Variants in SEC23A observed in about 807,000 individuals in gnomAD.
The protein encoded by SEC23A is protein transport protein Sec23A.
SEC23A carries 56 observed loss-of-function variants against 103.7 expected under a neutral mutation model. That is an observed-to-expected ratio of 0.54 (90% CI 0.44 to 0.67). The LOEUF (loss-of-function observed/expected upper bound fraction) is 0.67, where lower values mean the gene tolerates loss of function less well. SEC23A is among the 30% of genes least tolerant of loss of function. The pLI is 0.00. For missense variants in SEC23A, 784 were observed against 936.4 expected (o/e 0.84, Z 2.12); for synonymous variants, 281 against 293.0 (o/e 0.96, Z 0.42).
intron 1 of SEC23A, among the ~76,000 whole-genome samples, chr14:39,102,222 A>C (rs958289612): frequency 1.3e-5 from 2 of 151,546 alleles, no homozygotes; most frequent in African/African-American, 4.9e-5. Flanking sequence ...ACAAAGCAAG[A>C]CTCCGTCTCA....
chr14:39,086,860 A>G (rs1887461309), intron 6 of SEC23A, 69 bp downstream of exon 6: 3 of 880,328 alleles, frequency 3.4e-6, no homozygotes, highest in South Asian at 2.6e-5. Flanking sequence ...CTGAATGCCT[A>G]TGTTCAAGGG....
rs914569897 is a variant in SEC23A, at chr14:39,063,264, A to C, written c.1398+60T>G. 8 of 996,892 alleles carry C rather than the reference A, an allele frequency of 8.0e-6. No individual in the cohort carries two copies. The African/African-American group carries it at 9.5e-5, about 12-fold the overall frequency. 61.8% of individuals were successfully genotyped at this position (996,892 alleles called of 1,614,324 possible). On this transcript the variant is annotated intron_variant, in intron 12 of 19. Coordinates refer to ENST00000307712, the MANE Select transcript of SEC23A (RefSeq NM_006364.4). ...AAAATATGAACTATTCATGGCCTAA[A>C]GTAAGTACTTATTCAAATGTACGTT...
At chr14:39,071,076 C>T (rs1404506383) in intron 9 of SEC23A, among the ~76,000 whole-genome samples, 1 of 151,842 alleles carries the variant, frequency 6.6e-6, no homozygotes, top group African/African-American at 2.4e-5. Context: ...AGATCAAGAA[C>T]AACACAAGGA....
At chr14:39,041,087 A>G in intron 17 of SEC23A, 200 bp from the exon 18 acceptor site, 1 of 539,924 alleles carries the variant, frequency 1.9e-6, no homozygotes, top group Non-Finnish European at 2.9e-6. Context: ...CTTCTCCTTT[A>G]AAAGTAAAAT....
chr14:39,040,515 G>T (rs1214514772), intron 18 of SEC23A: 2 of 593,450 alleles, frequency 3.4e-6, no homozygotes, highest in East Asian at 5.9e-5. Flanking sequence ...AGAGACAGAA[G>T]ATGATGGAAA....
At chr14:39,076,920 C>G (rs1206246904) in intron 7 of SEC23A, among the ~76,000 whole-genome samples, 1 of 145,992 alleles carries the variant, frequency 6.8e-6, no homozygotes, top group Non-Finnish European at 1.5e-5. Flanking sequence ...AGGCGAGACT[C>G]CGTCTCAAAA....
chr14:39,060,628 C>T (rs1295652550), intron 13 of SEC23A, among the ~76,000 whole-genome samples: 1 of 152,172 alleles, frequency 6.6e-6, no homozygotes, highest in African/African-American at 2.4e-5. Context: ...TAAACTCATT[C>T]CACAATTATT....
intron 9 of SEC23A, among the ~76,000 whole-genome samples, chr14:39,071,320 C>T (rs781010301): frequency 9.9e-5 from 15 of 152,214 alleles, no homozygotes; most frequent in African/African-American, 3.1e-4. Context: ...AATTGTTGGA[C>T]GGGCACAGTG....
chr14:39,050,416 A>C (rs945154478), intron 14 of SEC23A, among the ~76,000 whole-genome samples: 1 of 152,216 alleles, frequency 6.6e-6, no homozygotes, highest in Admixed American at 6.5e-5. Context: ...CGGTATCTGT[A>C]AAAACAGTAA....
At chr14:39,102,209 G>A (rs138108540) in intron 1 of SEC23A, among the ~76,000 whole-genome samples, 3,319 of 152,108 alleles carry the variant, frequency 0.022, 138 homozygotes, top group African/African-American at 0.075. Flanking sequence ...TCCAGCCTGG[G>A]CGACAAAGCA....
chr14:39,038,305 C>G (rs758953265), intron 19 of SEC23A, among the ~76,000 whole-genome samples: 1 of 152,134 alleles, frequency 6.6e-6, no homozygotes, highest in African/African-American at 2.4e-5. Context: ...TGCCATCTTC[C>G]TCTTCTAACC....
chr14:39,094,987 A>G, intron 2 of SEC23A: 1 of 700,360 alleles, frequency 1.4e-6, no homozygotes, highest in Non-Finnish European at 2.6e-6. Flanking sequence ...TTCATTCATA[A>G]AACTCTAGCT....
Position 39,039,059 on chromosome 14 carries a change from G to T in SEC23A, c.2180C>A (p.Thr727Asn), listed in dbSNP as rs1885550973. ...CCCCCAGGCATACATATTATTATGAGTCTGTGAAGGGTTGACTTTTGAAAG... is the reference window on the plus strand; with the variant it reads ...CCCCCAGGCATACATATTATTATGATTCTGTGAAGGGTTGACTTTTGAAAG... ...FLLSKVNPSQ[T>N]HNNMYAWGQE... The change falls in exon 19 of 20, where the codon ACT becomes AAT. Residue 727 changes from threonine (T) to asparagine (N), a missense_variant. By Grantham distance (65) the Thr-to-Asn change is moderately conservative. This residue lies in a region of SEC23A where 101 missense variants were observed against 162.2 expected (regional missense o/e 0.62). Transcript: ENST00000307712. 1 of 1,613,480 alleles carries T rather than the reference G, an allele frequency of 6.2e-7. No individual in the cohort carries two copies. The highest frequency in any genetic ancestry group is 8.5e-7 in the Non-Finnish European group (1 of 1,179,608).
At position 39,094,325 on chromosome 14, in the gene SEC23A, T is replaced by C. The variant is rs1471388835; in HGVS notation, c.222-1081A>G. 2.4e-3 allele frequency among the ~76,000 whole-genome samples: 74 copies of C among 31,478 alleles called. 1 individual carries two copies. Among genetic ancestry groups the C allele is most frequent in the African/African-American group, 3.1e-3 (28 of 9,026 alleles). 20.7% of individuals were successfully genotyped at this position (31,478 alleles called of 152,430 possible). A position where few individuals can be genotyped will look rare whatever the true frequency, so the allele number is the denominator to read the frequency against. On this transcript the variant is annotated intron_variant, in intron 2 of 19. Transcript: ENST00000307712. ...ACACATATACATATATATGCATATATACACATATACACATATATATGCATA... is the reference window on the plus strand; with the variant it reads ...ACACATATACATATATATGCATATACACACATATACACATATATATGCATA...
Position 39,096,024 on chromosome 14 carries a change from G to A in SEC23A, c.95C>T (p.Thr32Ile). 6.2e-7 allele frequency: 1 copy of A among 1,614,088 alleles called. No homozygotes were observed. The highest frequency in any genetic ancestry group is 8.5e-7 in the Non-Finnish European group (1 of 1,179,990). ...NVWPSSRLEA[T>I]RMVVPVAALF... Reference sequence around the variant, plus strand: ...GGCTGCCACAGGAACAACCATTCTTGTAGCTTCCAGTCGACTTGATGGCCA... The same window carrying A: ...GGCTGCCACAGGAACAACCATTCTTATAGCTTCCAGTCGACTTGATGGCCA... The change falls in exon 2 of 20, where the codon ACA (threonine) becomes ATA (isoleucine). Residue 32 changes from threonine (T) to isoleucine (I), a missense_variant. Thr to Ile is a moderately conservative substitution (Grantham distance 89). Coordinates refer to ENST00000307712, the MANE Select transcript of SEC23A (RefSeq NM_006364.4).
intron 19 of SEC23A, 81 bp downstream of exon 19, chr14:39,038,950 G>GA (rs1167003142): frequency 8.9e-6 from 11 of 1,229,534 alleles, no homozygotes; most frequent in Middle Eastern, 2.4e-4. Context: ...AAATACACAG[G>GA]AAAAAAATGT....
chr14:39,097,085 T>C (rs1887914460), intron 1 of SEC23A, among the ~76,000 whole-genome samples: 1 of 152,216 alleles, frequency 6.6e-6, no homozygotes, highest in Admixed American at 6.5e-5. Context: ...TTCCAAATTA[T>C]GAGAGCATTT....
chr14:39,079,597 A>G (rs1347209299), intron 7 of SEC23A, among the ~76,000 whole-genome samples: 1 of 152,158 alleles, frequency 6.6e-6, no homozygotes, highest in East Asian at 1.9e-4. Flanking sequence ...AGGTGGGCGG[A>G]TCACCTGAGG....
intron 3 of SEC23A, chr14:39,092,863 G>A: frequency 2.0e-6 from 1 of 500,670 alleles, no homozygotes; most frequent in Non-Finnish European, 3.5e-6. Flanking sequence ...TTGTTTGTTT[G>A]TTTTGTTTGT....
Sources: gnomAD v4.1 joint callset for allele counts (sites outside exome capture counted in the v4.1 genomes callset) on GRCh38, gnomAD v4.1.1 for gene constraint, gnomAD v4.1.1 regional missense constraint, MANE v1.5 for transcripts, NCBI Gene and HGNC (gene_info 2026-07-23, HGNC 2026-07-21) for gene names.